Variants in F8 observed in about 807,000 individuals in gnomAD.
The protein encoded by F8 is coagulation factor VIII, also known as antihemophilic factor.
Under a neutral mutation model 140.6 loss-of-function variants are expected in F8, and 12 were observed. The observed-to-expected ratio is 0.09, with a 90% CI of 0.05 to 0.14. The LOEUF is 0.14. Among genes scored for constraint, F8 ranks in the 10% least tolerant of loss-of-function variants. The pLI is 1.00. For missense variants in F8, 1,354 were observed against 1,720.7 expected (o/e 0.79, Z 3.77); for synonymous variants, 585 against 614.6 (o/e 0.95, Z 0.71).
rs2072481554 is a variant in F8, at chrX:154,837,356, T to C, written c.*241A>G. On this transcript the variant is annotated 3_prime_UTR_variant, in exon 26 of 26. Transcript: ENST00000360256. ...CCTCACTTCTTTTTGCCTAGTTATA[T>C]TGGAAGGAAGGAGTAATCTGGGAGC... 3 of 402,552 alleles carry C rather than the reference T, an allele frequency of 7.5e-6. No individual in the cohort carries two copies. The highest frequency in any genetic ancestry group is 8.6e-6 in the Non-Finnish European group (2 of 231,713). 33.2% of individuals were successfully genotyped at this position (402,552 alleles called of 1,213,427 possible).
intron 9 of F8, among the ~76,000 whole-genome samples, chrX:154,965,521 A>G (rs1406724409): frequency 4.5e-5 from 5 of 111,395 alleles, no homozygotes; most frequent in Non-Finnish European, 7.5e-5. Flanking sequence ...TGTGAGCCCT[A>G]TCTAGCCTCT....
At chrX:154,919,066 A>G (rs945182619) in intron 14 of F8, 4 of 111,118 alleles carry the variant, frequency 3.6e-5, no homozygotes, top group African/African-American at 1.3e-4. Context: ...TACATGTCCA[A>G]CGTTGATGAT....
intron 11 of F8, 33 bp downstream of exon 11, chrX:154,956,924 T>C: frequency 1.8e-6 from 2 of 1,124,818 alleles, no homozygotes; most frequent in Non-Finnish European, 2.5e-6. Context: ...ACACTGAGAA[T>C]GAAACCCAGC....
chrX:154,837,642 G>A lies in F8; in HGVS notation c.7011C>T (p.Ala2337=). 8.3e-7 allele frequency: 1 copy of A among 1,209,850 alleles called. No individual in the cohort carries two copies. The highest frequency in any genetic ancestry group is 1.1e-6 in the Non-Finnish European group (1 of 894,570). The change falls in exon 26 of 26, where the codon GCC becomes GCT. Residue 2337 remains alanine, a synonymous_variant. Transcript: ENST00000360256. ...CGCAGCCCAGAACCTCCATCCTCAG[G>A]GCAATCTGGTGCACCCAACTCTGGG... ...IHPQSWVHQI[A]LRMEVLGCEA...
intron 1 of F8, among the ~76,000 whole-genome samples, chrX:155,010,774 A>C (rs1332150781): frequency 1.1e-4 from 12 of 110,903 alleles, no homozygotes; most frequent in African/African-American, 3.6e-4. Flanking sequence ...ATGGTTGTTT[A>C]GTTAGATGCC....
At chrX:154,856,855 C>T (rs1279220419) in intron 25 of F8, among the ~76,000 whole-genome samples, 3 of 111,954 alleles carry the variant, frequency 2.7e-5, no homozygotes, top group Admixed American at 9.5e-5. Flanking sequence ...TCTGAACTGG[C>T]ACTAATTTCA....
chrX:154,995,236 G>C (rs782683165), intron 3 of F8, among the ~76,000 whole-genome samples: 1 of 111,881 alleles, frequency 8.9e-6, no homozygotes, highest in South Asian at 3.8e-4. Flanking sequence ...GTGGGGGCAG[G>C]GGCGGGAGCA....
intron 1 of F8, among the ~76,000 whole-genome samples, chrX:155,017,599 A>G (rs1331126119): frequency 1.8e-5 from 2 of 112,690 alleles, no homozygotes; most frequent in Non-Finnish European, 3.7e-5. Flanking sequence ...TACAATGTAT[A>G]CTTACATCAA....
intron 1 of F8, among the ~76,000 whole-genome samples, chrX:155,017,104 T>A (rs2073738136): frequency 8.9e-6 from 1 of 112,686 alleles, no homozygotes; most frequent in African/African-American, 3.2e-5. Flanking sequence ...GCCAGAGATA[T>A]GCACGGAAAA....
chrX:154,984,117 G>A (rs147927051), intron 6 of F8, among the ~76,000 whole-genome samples: 2,321 of 111,325 alleles, frequency 0.021, 73 homozygotes, highest in Admixed American at 0.11. Flanking sequence ...CTGTGGCTCC[G>A]GGAACTGTCT....
intron 6 of F8, among the ~76,000 whole-genome samples, chrX:154,977,099 C>A (rs1283905136): frequency 1.8e-5 from 2 of 111,154 alleles, no homozygotes; most frequent in Admixed American, 1.9e-4. Context: ...CACAGAATAC[C>A]TTATAGTTAT....
rs1302761365 is a variant in F8, at chrX:154,993,288, A to G, written c.389-140T>C. 6 of 543,213 alleles carry G rather than the reference A, an allele frequency of 1.1e-5. No homozygotes were observed. In the Admixed American group the frequency reaches 1.4e-4, roughly 12 times the overall value. 44.8% of individuals were successfully genotyped at this position (543,213 alleles called of 1,213,427 possible). On this transcript the variant is annotated intron_variant, in intron 3 of 25. Coordinates refer to ENST00000360256, the MANE Select transcript of F8 (RefSeq NM_000132.4). ...TGTTGTTGTTGTTGTTGTTGTTTTG[A>G]GACGGAGTCTCACTCTGTTGCCCAG...
At position 154,928,550 on chromosome X, in the gene F8, GA is replaced by G. The variant is rs782478428; in HGVS notation, c.5219+20del. 23 of 1,163,409 alleles carry G rather than the reference GA, an allele frequency of 2.0e-5. No homozygotes were observed. Among genetic ancestry groups the G allele is most frequent in the Non-Finnish European group, 2.6e-5 (22 of 851,890 alleles). On this transcript the variant is annotated intron_variant, in intron 14 of 25. Coordinates refer to ENST00000360256, the MANE Select transcript of F8 (RefSeq NM_000132.4). ...CAAATGTCACAAGAGCAGAGCAAAG[GA>G]ATAACCAATGCATTCATACCTGTTT...
intron 25 of F8, among the ~76,000 whole-genome samples, chrX:154,839,909 G>A (rs1330132633): frequency 2.7e-5 from 3 of 112,122 alleles, no homozygotes; most frequent in African/African-American, 9.7e-5. Context: ...ATAAAGTTCT[G>A]TATTTGGAAA....
Position 154,971,848 on chromosome X carries a change from C to T in F8, c.788-2296G>A, listed in dbSNP as rs184791764. Among the ~76,000 whole-genome samples the T allele has an allele frequency of 2.4e-3, 266 of 112,414 alleles. 4 individuals are homozygous for T. The highest frequency in any genetic ancestry group is 4.5e-4 in the Non-Finnish European group (24 of 53,172). On this transcript the variant is annotated intron_variant, in intron 6 of 25. Coordinates refer to ENST00000360256, the MANE Select transcript of F8 (RefSeq NM_000132.4). ...GGCTCATCCACGTTGTTGAAAATGA[C>T]AGGATTTCATCTTTTTTAAATGGAT...
At chrX:154,910,811 A>C (rs781895855) in intron 14 of F8, among the ~76,000 whole-genome samples, 1 of 109,365 alleles carries the variant, frequency 9.1e-6, no homozygotes, top group South Asian at 4.2e-4. Flanking sequence ...AGTTGAGATA[A>C]GAGGAAGGCA....
chrX:154,983,428 A>C (rs1025942978), intron 6 of F8, among the ~76,000 whole-genome samples: 1 of 111,883 alleles, frequency 8.9e-6, no homozygotes, highest in Admixed American at 9.5e-5. Flanking sequence ...TGGGAGCTAA[A>C]AGAGTGGATC....
chrX:154,928,672 G>A lies in F8; in HGVS notation c.5118C>T (p.Ser1706=). The change falls in exon 14 of 26, where the codon AGC becomes AGT. Residue 1706 remains serine (S), a synonymous_variant. Transcript: ENST00000360256. ...GTGTTTTCTTTTGAAAGCTGCGGGG[G>A]CTCTGATTTTCATCCTCATCATAAA... ...FDIYDEDENQ[S]PRSFQKKTRH... is the part of the protein sequence containing the mutation. 8.3e-7 allele frequency: 1 copy of A among 1,209,693 alleles called. No individual in the cohort carries two copies. The highest frequency in any genetic ancestry group is 1.1e-6 in the Non-Finnish European group (1 of 894,614).
At chrX:154,847,071 G>C (rs782297317) in intron 25 of F8, among the ~76,000 whole-genome samples, 1 of 111,341 alleles carries the variant, frequency 9.0e-6, no homozygotes, top group African/African-American at 3.3e-5. Context: ...ATGAAATTCT[G>C]GGTTGAAAAT....
Sources: allele counts gnomAD v4.1 joint callset (sites outside exome capture counted in the v4.1 genomes callset), GRCh38; gene constraint gnomAD v4.1.1; transcripts MANE v1.5; gene names NCBI Gene and HGNC (gene_info 2026-07-23, HGNC 2026-07-21).